SLC24A4: variants seen among roughly 807,000 people sequenced by gnomAD.
The protein encoded by SLC24A4 is sodium/potassium/calcium exchanger 4.
In SLC24A4, 53 loss-of-function variants were observed where a neutral mutation model predicts 79.0. The observed-to-expected ratio is 0.67, with a 90% CI of 0.54 to 0.84. The LOEUF (loss-of-function observed/expected upper bound fraction) is 0.84, where lower values mean the gene tolerates loss of function less well. Among genes scored for constraint, SLC24A4 ranks in the 40% least tolerant of loss-of-function variants. The pLI, the probability that SLC24A4 is intolerant of heterozygous loss-of-function variation, is 0.00. For missense variants in SLC24A4, 731 were observed against 822.0 expected (o/e 0.89, Z 1.35); for synonymous variants, 323 against 323.8 (o/e 1.00, Z 0.03).
chr14:92,351,239 C>T (rs1459206238), intron 2 of SLC24A4, among the ~76,000 whole-genome samples: 1 of 139,382 alleles, frequency 7.2e-6, no homozygotes, highest in Non-Finnish European at 1.7e-5. Context: ...CATACACGCA[C>T]ACACACACAC....
intron 2 of SLC24A4, among the ~76,000 whole-genome samples, chr14:92,344,237 CATGAGG>C (rs1886395841): frequency 6.6e-6 from 1 of 152,196 alleles, no homozygotes; most frequent in Non-Finnish European, 1.5e-5. Flanking sequence ...TTCCTTTTCC[CATGAGG>C]ATGGTGTGTT....
intron 2 of SLC24A4, among the ~76,000 whole-genome samples, chr14:92,416,959 G>A (rs922090998): frequency 3.3e-5 from 5 of 151,834 alleles, no homozygotes; most frequent in Non-Finnish European, 5.9e-5. Context: ...TGGAAAAAGA[G>A]GTCATATGTC....
chr14:92,348,985 G>A lies in SLC24A4; in HGVS notation c.241+23007G>A, dbSNP rs190568926. Among the ~76,000 whole-genome samples, 9 of 152,130 alleles carry A rather than the reference G, an allele frequency of 5.9e-5. No homozygotes were observed. In the East Asian group the frequency reaches 1.7e-3, roughly 29 times the overall value. On this transcript the variant is annotated intron_variant, in intron 2 of 16. Transcript: ENST00000532405. ...TGTAATCTGGAGTTACCAGCTCGCAGGGAGGCACCAAGTCACGCTGCAGGC... is the reference window on the plus strand; with the variant it reads ...TGTAATCTGGAGTTACCAGCTCGCAAGGAGGCACCAAGTCACGCTGCAGGC...
intron 2 of SLC24A4, among the ~76,000 whole-genome samples, chr14:92,386,467 C>T (rs1185505014): frequency 6.6e-6 from 1 of 152,132 alleles, no homozygotes; most frequent in African/African-American, 2.4e-5. Context: ...CTGCGGGGTG[C>T]CGGGGGATCC....
chr14:92,442,410 T>C (rs1486288485), intron 5 of SLC24A4, among the ~76,000 whole-genome samples: 5 of 152,234 alleles, frequency 3.3e-5, no homozygotes, highest in African/African-American at 1.2e-4. Context: ...ATTGTGGTTT[T>C]GGTTGCACAA....
chr14:92,392,172 G>T (rs75427553), intron 2 of SLC24A4, among the ~76,000 whole-genome samples: 1 of 151,044 alleles, frequency 6.6e-6, no homozygotes, highest in African/African-American at 2.4e-5. Context: ...GTAGACTATA[G>T]GTGTCTGGGG....
In SLC24A4 at chr14:92,482,790, A is replaced by C. The variant is rs771171830; in HGVS notation, c.1366A>C (p.Thr456Pro). The change falls in exon 13 of 17, where the codon ACC becomes CCC. Residue 456 changes from threonine (T) to proline (P), a missense_variant. Coordinates refer to ENST00000532405, the MANE Select transcript of SLC24A4 (RefSeq NM_153646.4). ...CCGCTGGGAGAAGTTCTTCATGGTC[A>C]CCTTCATCACCGCCACGCTGTGGAT... ...KPRWEKFFMV[T>P]FITATLWIAV... 1.2e-6 allele frequency: 2 copies of C among 1,613,992 alleles called. No individual in the cohort carries two copies. Among genetic ancestry groups the C allele is most frequent in the Non-Finnish European group, 1.7e-6 (2 of 1,179,960 alleles).
At chr14:92,440,556 G>A (rs1022501134) in intron 4 of SLC24A4, among the ~76,000 whole-genome samples, 5 of 152,104 alleles carry the variant, frequency 3.3e-5, no homozygotes, top group Non-Finnish European at 7.4e-5. Flanking sequence ...TAGCAATGGG[G>A]TTGATGGGAG....
At chr14:92,360,014 G>C (rs1267964087) in intron 2 of SLC24A4, among the ~76,000 whole-genome samples, 1 of 152,182 alleles carries the variant, frequency 6.6e-6, no homozygotes, top group African/African-American at 2.4e-5. Flanking sequence ...CGCCTCCCAG[G>C]TTCAAGCAAT....
intron 2 of SLC24A4, among the ~76,000 whole-genome samples, chr14:92,409,002 G>T (rs1566745772): frequency 2.6e-5 from 4 of 152,198 alleles, no homozygotes; most frequent in Admixed American, 1.3e-4. Context: ...GGACTGCCTG[G>T]CTGAGTCTGC....
intron 2 of SLC24A4, among the ~76,000 whole-genome samples, chr14:92,351,685 C>G (rs942307201): frequency 6.6e-5 from 10 of 151,504 alleles, no homozygotes; most frequent in Non-Finnish European, 1.3e-4. Flanking sequence ...GGTGAAACCC[C>G]ATCTCTACTA....
intron 2 of SLC24A4, among the ~76,000 whole-genome samples, chr14:92,362,812 A>G (rs980571979): frequency 1.3e-5 from 2 of 152,160 alleles, no homozygotes; most frequent in African/African-American, 4.8e-5. Flanking sequence ...TTTTGCTCAA[A>G]AAGTTTTGCA....
intron 3 of SLC24A4, 97 bp from the exon 4 acceptor site, chr14:92,439,238 G>A: frequency 1.0e-6 from 1 of 968,988 alleles, no homozygotes; most frequent in Non-Finnish European, 1.7e-6. Flanking sequence ...TGTCCGCCTG[G>A]CCTCTGCCCT....
rs1299582200 is a variant in SLC24A4, at chr14:92,441,357, C to T, written c.394-732C>T. Among the ~76,000 whole-genome samples the T allele has an allele frequency of 6.6e-6, 1 of 152,172 alleles. No individual in the cohort carries two copies. Among genetic ancestry groups the T allele is most frequent in the Non-Finnish European group, 1.5e-5 (1 of 68,034 alleles). On this transcript the variant is annotated intron_variant, in intron 4 of 16. Coordinates refer to ENST00000532405, the MANE Select transcript of SLC24A4 (RefSeq NM_153646.4). This position sits in a 1 kb window ranked among gnomAD's most constrained non-coding sequence, Gnocchi z 4.6. Reference sequence around the variant, plus strand: ...ATGGGCTCTGTGGCCAGACATGACCCGGACAGGCAGAACAGGCCCCAACCA... The same window carrying T: ...ATGGGCTCTGTGGCCAGACATGACCTGGACAGGCAGAACAGGCCCCAACCA...
At chr14:92,471,885 A>AATCTGGAG (rs1316886871) in intron 12 of SLC24A4, among the ~76,000 whole-genome samples, 1 of 152,212 alleles carries the variant, frequency 6.6e-6, no homozygotes, top group Non-Finnish European at 1.5e-5. Context: ...AATTGCCCAA[A>AATCTGGAG]ATCTGGAGAG....
chr14:92,333,458 C>G (rs2141600579), intron 2 of SLC24A4, among the ~76,000 whole-genome samples: 1 of 152,260 alleles, frequency 6.6e-6, no homozygotes, highest in South Asian at 2.1e-4. Context: ...GTTTGGGTTT[C>G]CAATGTCCTG....
intron 2 of SLC24A4, among the ~76,000 whole-genome samples, chr14:92,404,500 T>G (rs1350472715): frequency 2.0e-5 from 3 of 152,178 alleles, no homozygotes; most frequent in South Asian, 2.1e-4. Context: ...TGGCAGGAGA[T>G]GTAGACTGCT....
intron 2 of SLC24A4, among the ~76,000 whole-genome samples, chr14:92,395,806 G>T (rs972719708): frequency 9.2e-5 from 14 of 151,808 alleles, no homozygotes; most frequent in African/African-American, 3.4e-4. Flanking sequence ...AGATGGTTAT[G>T]GTTTTCATAT....
At chr14:92,431,233 GTGAC>G (rs1343182178) in intron 2 of SLC24A4, among the ~76,000 whole-genome samples, 1 of 152,228 alleles carries the variant, frequency 6.6e-6, no homozygotes, top group Non-Finnish European at 1.5e-5. Context: ...ATGATGCTGA[GTGAC>G]TGGCAGCCTG....
Sources: gnomAD v4.1 joint callset for allele counts (sites outside exome capture counted in the v4.1 genomes callset) on GRCh38, gnomAD v4.1.1 for gene constraint, Gnocchi (gnomAD v3.1) non-coding constraint, MANE v1.5 for transcripts, NCBI Gene and HGNC (gene_info 2026-07-23, HGNC 2026-07-21) for gene names.